Variants in WDR37 observed in about 807,000 individuals in gnomAD.
WDR37 encodes WD repeat-containing protein 37.
A neutral mutation model predicts 62.9 loss-of-function variants in WDR37; 19 were observed. That is an observed-to-expected ratio of 0.30 (90% confidence interval 0.21 to 0.44). WDR37 has a LOEUF of 0.44. Among genes scored for constraint, WDR37 ranks in the 20% least tolerant of loss-of-function variants. The pLI is 1.00. For missense variants in WDR37, 474 were observed against 657.6 expected (o/e 0.72, Z 3.05); for synonymous variants, 250 against 260.9 (o/e 0.96, Z 0.40).
intron 11 of WDR37, among the ~76,000 whole-genome samples, chr10:1,119,215 A>G (rs940397142): frequency 6.6e-6 from 1 of 152,220 alleles, no homozygotes; most frequent in African/African-American, 2.4e-5. Context: ...TAGGATGATA[A>G]GATCAGTACA....
intron 2 of WDR37, among the ~76,000 whole-genome samples, chr10:1,074,958 G>T (rs1002772223): frequency 5.3e-5 from 8 of 152,270 alleles, no homozygotes; most frequent in African/African-American, 1.9e-4. Context: ...CGTGCGTGCA[G>T]GTGCTTTCAG....
At chr10:1,108,057 G>A (rs1835079621) in intron 11 of WDR37, among the ~76,000 whole-genome samples, 1 of 152,206 alleles carries the variant, frequency 6.6e-6, no homozygotes, top group Non-Finnish European at 1.5e-5. Flanking sequence ...TTCTTTGGCT[G>A]AGCCCTTTGA....
chr10:1,086,464 T>C, intron 7 of WDR37, 107 bp downstream of exon 7: 1 of 839,980 alleles, frequency 1.2e-6, no homozygotes, highest in Non-Finnish European at 1.9e-6. Context: ...GAAGCCTTAC[T>C]GTTTCGGTTG....
At chr10:1,069,842 T>C (rs1217600972) in intron 1 of WDR37, among the ~76,000 whole-genome samples, 4 of 152,220 alleles carry the variant, frequency 2.6e-5, no homozygotes, top group Non-Finnish European at 5.9e-5. Context: ...ACTGTAATGA[T>C]GTAAGATGTA....
intron 1 of WDR37, among the ~76,000 whole-genome samples, 200 bp downstream of exon 1, chr10:1,057,168 C>T (rs1041105061): frequency 3.8e-4 from 57 of 151,748 alleles, no homozygotes; most frequent in African/African-American, 1.3e-3. Context: ...CGTGGCGGTG[C>T]AGGAAGGGCC....
At chr10:1,057,240 C>G (rs1313868013) in intron 1 of WDR37, among the ~76,000 whole-genome samples, 1 of 148,054 alleles carries the variant, frequency 6.8e-6, no homozygotes, top group Admixed American at 6.7e-5. Flanking sequence ...CGTGGCGGTG[C>G]CAGAGGGACC....
At chr10:1,101,044 C>G (rs898134989) in intron 9 of WDR37, among the ~76,000 whole-genome samples, 2 of 152,210 alleles carry the variant, frequency 1.3e-5, no homozygotes, top group Non-Finnish European at 1.5e-5. Flanking sequence ...GTCTGAACGC[C>G]TGTATTGTTC....
chr10:1,069,092 T>C (rs1255313112), intron 1 of WDR37, among the ~76,000 whole-genome samples: 2 of 152,002 alleles, frequency 1.3e-5, no homozygotes, highest in Non-Finnish European at 2.9e-5. Flanking sequence ...GGGCTTCGTT[T>C]TGGGGTGATA....
intron 7 of WDR37, 29 bp downstream of exon 7, chr10:1,086,386 C>G: frequency 6.3e-7 from 1 of 1,592,008 alleles, no homozygotes; most frequent in Non-Finnish European, 8.6e-7. Context: ...GTGCCGTAGC[C>G]AGAGGCCGTT....
intron 7 of WDR37, among the ~76,000 whole-genome samples, chr10:1,088,954 A>G (rs1378586094): frequency 6.6e-6 from 1 of 152,174 alleles, no homozygotes; most frequent in Non-Finnish European, 1.5e-5. Context: ...AGGGGATTTA[A>G]TTTTCCCTTG....
chr10:1,094,296 G>A (rs1589102106), intron 8 of WDR37, among the ~76,000 whole-genome samples: 4 of 152,354 alleles, frequency 2.6e-5, no homozygotes, highest in East Asian at 3.9e-4. Context: ...AAAAGTGGGC[G>A]GCTGTCTGGG....
chr10:1,089,418 A>G (rs1834308569), intron 7 of WDR37, among the ~76,000 whole-genome samples: 1 of 152,038 alleles, frequency 6.6e-6, no homozygotes, highest in South Asian at 2.1e-4. Flanking sequence ...TGATGACTTC[A>G]AGCCTTGTGT....
chr10:1,090,832 C>T (rs1405291023), intron 7 of WDR37, among the ~76,000 whole-genome samples: 42 of 152,214 alleles, frequency 2.8e-4, no homozygotes, highest in Non-Finnish European at 2.9e-5. Context: ...CCGTGGCTGG[C>T]ATCCCCGTTT....
chr10:1,105,525 G>A lies in WDR37; in HGVS notation c.1103+258G>A, dbSNP rs1252086443. On this transcript the variant is annotated intron_variant, in intron 11 of 13. Coordinates refer to ENST00000263150, the MANE Select transcript of WDR37 (RefSeq NM_014023.4). This position sits in a 1 kb window ranked among gnomAD's most constrained non-coding sequence, Gnocchi z 5.3. ...TTAATGCAGACAGAATGGGGGAGTG[G>A]GTGGAGAGGGTTAGAGAAGAGCAGG... is the stretch of plus-strand genomic sequence containing the variant. Among the ~76,000 whole-genome samples the A allele has an allele frequency of 1.3e-5, 2 of 152,152 alleles. No homozygotes were observed. The highest frequency in any genetic ancestry group is 4.8e-5 in the African/African-American group (2 of 41,426).
intron 11 of WDR37, among the ~76,000 whole-genome samples, chr10:1,119,912 A>G (rs1218579189): frequency 1.3e-5 from 2 of 152,228 alleles, no homozygotes; most frequent in South Asian, 2.1e-4. Context: ...CCATGAGACT[A>G]CTGAGGTAGA....
chr10:1,072,380 C>T (rs903511148), intron 2 of WDR37, 87 bp downstream of exon 2: 19 of 1,533,804 alleles, frequency 1.2e-5, no homozygotes, highest in Admixed American at 1.8e-5. Context: ...TGCGATGGTG[C>T]GATCTCCGCT....
In WDR37 at chr10:1,101,489, C is replaced by T. The variant is rs3793773; in HGVS notation, c.727-2113C>T. ...TTAATTATCTCTTTAAAGCCCCTTT[C>T]TCCAAACAGCCCCATTCTGAGGTCC... On this transcript the variant is annotated intron_variant, in intron 9 of 13. Coordinates refer to ENST00000263150, the MANE Select transcript of WDR37 (RefSeq NM_014023.4). Among the ~76,000 whole-genome samples, 155 of 152,330 alleles carry T rather than the reference C, an allele frequency of 1.0e-3. 4 individuals are homozygous for T. In the East Asian group the frequency reaches 0.024, roughly 24 times the overall value.
At chr10:1,077,702 A>G (rs566415227) in intron 2 of WDR37, among the ~76,000 whole-genome samples, 2 of 152,376 alleles carry the variant, frequency 1.3e-5, no homozygotes, top group African/African-American at 4.8e-5. Context: ...CCCATATCAT[A>G]CTAGGTAGCC....
At chr10:1,101,086 C>G (rs1257342223) in intron 9 of WDR37, among the ~76,000 whole-genome samples, 1 of 152,220 alleles carries the variant, frequency 6.6e-6, no homozygotes, top group East Asian at 1.9e-4. Context: ...CCCTGTCAGC[C>G]ACTCCTGCAG....
Sources: allele counts gnomAD v4.1 joint callset (sites outside exome capture counted in the v4.1 genomes callset), GRCh38; gene constraint gnomAD v4.1.1; non-coding constraint Gnocchi (gnomAD v3.1); transcripts MANE v1.5; gene names NCBI Gene and HGNC (gene_info 2026-07-23, HGNC 2026-07-21).